Variants in RASA2 observed in about 807,000 individuals in gnomAD.
RASA2 encodes ras GTPase-activating protein 2.
In RASA2, 155 loss-of-function variants were observed where a neutral mutation model predicts 118.2. That is an observed-to-expected ratio of 1.31 (90% CI 1.15 to 1.50). The LOEUF (loss-of-function observed/expected upper bound fraction) is 1.50, where lower values mean the gene tolerates loss of function less well. Among genes scored for constraint, RASA2 ranks in the 40% most tolerant of loss-of-function variants. The pLI, the probability that RASA2 is intolerant of heterozygous loss-of-function variation, is 0.00. For synonymous variants in RASA2, 353 were observed against 349.1 expected (o/e 1.01, Z -0.12); for missense variants, 1,016 against 1,009.6 (o/e 1.01, Z -0.09).
At chr3:141,516,808 C>G (rs982524454) in intron 3 of RASA2, among the ~76,000 whole-genome samples, 4 of 149,988 alleles carry the variant, frequency 2.7e-5, no homozygotes, top group African/African-American at 9.8e-5. Context: ...GAATCTTGCT[C>G]TATCTCCCAG....
intron 4 of RASA2, among the ~76,000 whole-genome samples, chr3:141,540,304 A>G (rs932967462): frequency 6.6e-6 from 1 of 152,198 alleles, no homozygotes; most frequent in African/African-American, 2.4e-5. Flanking sequence ...TGAATTGGAC[A>G]TAAAATTCTT....
At chr3:141,490,743 C>G (rs2081630687) in intron 1 of RASA2, among the ~76,000 whole-genome samples, 1 of 152,172 alleles carries the variant, frequency 6.6e-6, no homozygotes, top group African/African-American at 2.4e-5. Flanking sequence ...AGCTTAGAGG[C>G]TGGGTGAAAA....
At chr3:141,577,817 T>G (rs1240800681) in intron 15 of RASA2, among the ~76,000 whole-genome samples, 1 of 152,202 alleles carries the variant, frequency 6.6e-6, no homozygotes, top group African/African-American at 2.4e-5. Flanking sequence ...ATTTAAAAAT[T>G]TCTTAAGCAT....
intron 4 of RASA2, among the ~76,000 whole-genome samples, chr3:141,539,899 A>G (rs1355026645): frequency 6.6e-6 from 1 of 152,178 alleles, no homozygotes; most frequent in East Asian, 1.9e-4. Context: ...CCATCTTTCC[A>G]TCAAGACTCT....
At chr3:141,580,555 TACACAC>T (rs10663136) in intron 16 of RASA2, 104 bp downstream of exon 16, 43 of 581,230 alleles carry the variant, frequency 7.4e-5, no homozygotes, top group African/African-American at 1.8e-4. Context: ...AAACAAAACA[TACACAC>T]ACACACACAC....
chr3:141,559,922 G>A lies in RASA2; in HGVS notation c.790G>A (p.Val264Ile). 6.2e-7 allele frequency: 1 copy of A among 1,613,264 alleles called. No individual in the cohort carries two copies. Among genetic ancestry groups the A allele is most frequent in the South Asian group, 1.1e-5 (1 of 91,056 alleles). The part of the protein sequence containing the change: ...RIDLWNNGNL[V>I]QDVFLGEIKV... Reference sequence around the variant, plus strand: ...CGACTTGTGGAACAATGGAAACCTAGTCCAAGATGTTTTCCTAGGTGAGAT... The same window carrying A: ...CGACTTGTGGAACAATGGAAACCTAATCCAAGATGTTTTCCTAGGTGAGAT... The change falls in exon 9 of 24, where the codon GTC (valine) becomes ATC (isoleucine). Residue 264 changes from valine (V) to isoleucine (I), a missense_variant. By Grantham distance (29) the Val-to-Ile change is conservative (BLOSUM62 3). Coordinates refer to ENST00000286364, the MANE Select transcript of RASA2 (RefSeq NM_006506.5).
At chr3:141,517,050 A>C (rs1010045198) in intron 3 of RASA2, among the ~76,000 whole-genome samples, 1 of 151,484 alleles carries the variant, frequency 6.6e-6, no homozygotes, top group African/African-American at 2.4e-5. Context: ...GATTACAGGC[A>C]TGAGCCACCA....
At position 141,614,209 on chromosome 3, in the gene RASA2, C is replaced by T. The variant is rs2083693402; in HGVS notation, c.*1896C>T. 6.6e-6 allele frequency: 1 copy of T among 151,808 alleles called. No individual in the cohort carries two copies. The highest frequency in any genetic ancestry group is 2.4e-5 in the African/African-American group (1 of 41,334). The allele number at this position is 151,808 out of a possible 1,614,324, so 9.4% of individuals were successfully genotyped here. A position where few individuals can be genotyped will look rare whatever the true frequency, so the allele number is the denominator to read the frequency against. On this transcript the variant is annotated 3_prime_UTR_variant, in exon 24 of 24. Transcript: ENST00000286364. ...CCCCAATTGTGATTGTTTTAAAGAT[C>T]ATGGTATGATCACAGGGACCAAGGC...
At chr3:141,511,891 T>G (rs1454730775) in intron 1 of RASA2, among the ~76,000 whole-genome samples, 1 of 152,034 alleles carries the variant, frequency 6.6e-6, no homozygotes, top group Non-Finnish European at 1.5e-5. Flanking sequence ...TGGAATGGGA[T>G]AGAGAGCACA....
intron 2 of RASA2, among the ~76,000 whole-genome samples, chr3:141,513,810 A>T (rs747855417): frequency 1.3e-5 from 2 of 152,222 alleles, no homozygotes; most frequent in South Asian, 2.1e-4. Context: ...GACATCATAA[A>T]GATACTGCAT....
At chr3:141,509,846 G>C (rs1490370663) in intron 1 of RASA2, among the ~76,000 whole-genome samples, 1 of 152,090 alleles carries the variant, frequency 6.6e-6, no homozygotes, top group Admixed American at 6.5e-5. Context: ...TTAGTGACCT[G>C]GTTTATTTGT....
At chr3:141,573,901 G>A (rs1560042909) in intron 13 of RASA2, 43 bp from the exon 14 acceptor site, 3 of 1,532,002 alleles carry the variant, frequency 2.0e-6, no homozygotes, top group African/African-American at 1.4e-5. Context: ...TTGAAGATGT[G>A]TGAACATCAA....
intron 3 of RASA2, among the ~76,000 whole-genome samples, chr3:141,526,376 T>A (rs189188281): frequency 3.9e-5 from 6 of 151,910 alleles, no homozygotes; most frequent in Non-Finnish European, 8.8e-5. Context: ...ACTTGTTCCT[T>A]CTTTCCCCAT....
intron 19 of RASA2, among the ~76,000 whole-genome samples, chr3:141,606,537 C>A (rs2083552054): frequency 6.6e-6 from 1 of 152,104 alleles, no homozygotes; most frequent in Admixed American, 6.5e-5. Flanking sequence ...CTATTTACAG[C>A]TATATCATAA....
chr3:141,527,348 G>A (rs1293856129), intron 3 of RASA2, among the ~76,000 whole-genome samples: 2 of 152,052 alleles, frequency 1.3e-5, no homozygotes, highest in African/African-American at 4.8e-5. Context: ...TTTCTGGATG[G>A]TAAGTAAACT....
Position 141,532,894 on chromosome 3 carries a change from A to C in RASA2, c.450+3092A>C, listed in dbSNP as rs78756751. ...TTGAGCATAAGTTCTCACTGTTTAA[A>C]TATTGTTTTTTTTCTTTCCCTTTCA... On this transcript the variant is annotated intron_variant, in intron 4 of 23. Coordinates refer to ENST00000286364, the MANE Select transcript of RASA2 (RefSeq NM_006506.5). 4.4e-3 allele frequency among the ~76,000 whole-genome samples: 670 copies of C among 152,162 alleles called. 5 individuals carry two copies. The highest frequency in any genetic ancestry group is 0.015 in the African/African-American group (639 of 41,482).
intron 1 of RASA2, among the ~76,000 whole-genome samples, chr3:141,495,546 C>CA (rs2081690277): frequency 6.6e-6 from 1 of 151,758 alleles, no homozygotes. Flanking sequence ...CATCAATTTA[C>CA]AAAAAAAGGA....
chr3:141,517,720 C>G (rs912078972), intron 3 of RASA2, among the ~76,000 whole-genome samples: 14 of 152,148 alleles, frequency 9.2e-5, no homozygotes, highest in Non-Finnish European at 8.8e-5. Flanking sequence ...GTGGCGCGAT[C>G]TCAGCTCACT....
intron 18 of RASA2, 108 bp from the exon 19 acceptor site, chr3:141,586,538 T>G: frequency 1.5e-6 from 1 of 676,368 alleles, no homozygotes. Flanking sequence ...ATATATTTAA[T>G]ATAATCTTAC....
Sources: allele counts gnomAD v4.1 joint callset (sites outside exome capture counted in the v4.1 genomes callset), GRCh38; gene constraint gnomAD v4.1.1; transcripts MANE v1.5; gene names NCBI Gene and HGNC (gene_info 2026-07-23, HGNC 2026-07-21).